PDE4B: variants seen among roughly 807,000 people sequenced by gnomAD.
The protein encoded by PDE4B is 3',5'-cyclic-AMP phosphodiesterase 4B.
PDE4B carries 20 observed loss-of-function variants against 82.2 expected under a neutral mutation model. The observed-to-expected ratio is 0.24, with a 90% CI of 0.17 to 0.35. The LOEUF (loss-of-function observed/expected upper bound fraction) is 0.35. Among genes scored for constraint, PDE4B ranks in the 10% least tolerant of loss-of-function variants. PDE4B has a pLI of 1.00. For missense variants in PDE4B, 655 were observed against 907.2 expected, an observed-to-expected ratio of 0.72 and a Z score of 3.57; for synonymous variants, 320 against 318.9, an observed-to-expected ratio of 1.00 and a Z score of -0.04.
intron 3 of PDE4B, among the ~76,000 whole-genome samples, chr1:66,206,602 A>G (rs1649576280): frequency 6.6e-6 from 1 of 152,174 alleles, no homozygotes; most frequent in African/African-American, 2.4e-5. Flanking sequence ...TACTATAATG[A>G]CCTTCATTCA....
intron 1 of PDE4B, among the ~76,000 whole-genome samples, chr1:65,838,748 T>C (rs938792572): frequency 6.6e-6 from 1 of 151,798 alleles, no homozygotes; most frequent in Non-Finnish European, 1.5e-5. Flanking sequence ...TAGGTTACTC[T>C]AATAGCATTC....
chr1:66,203,812 A>T (rs1649266225), intron 3 of PDE4B, among the ~76,000 whole-genome samples: 2 of 151,970 alleles, frequency 1.3e-5, no homozygotes, highest in Admixed American at 1.3e-4. Flanking sequence ...TTTAGCTTGG[A>T]GTAGTTTGAT....
At chr1:65,870,994 G>C (rs1447914698) in intron 1 of PDE4B, among the ~76,000 whole-genome samples, 1 of 152,146 alleles carries the variant, frequency 6.6e-6, no homozygotes, top group Non-Finnish European at 1.5e-5. Flanking sequence ...TGAAGTCTAA[G>C]GGCAGCACTT....
intron 3 of PDE4B, among the ~76,000 whole-genome samples, chr1:66,191,930 A>G (rs888720014): frequency 6.6e-6 from 1 of 152,068 alleles, no homozygotes; most frequent in South Asian, 2.1e-4. Context: ...GGGGGAAAAC[A>G]CCCCATGATT....
rs541063495 is a variant in PDE4B, at chr1:65,877,298, G to A, written c.-70-35947G>A. On this transcript the variant is annotated intron_variant, in intron 1 of 16. Transcript: ENST00000341517. Reference sequence around the variant, plus strand: ...ACAAACTTTGACACAAACAAGCAATGAGGAAATGATTCTCTATTTAATAAA... The same window carrying A: ...ACAAACTTTGACACAAACAAGCAATAAGGAAATGATTCTCTATTTAATAAA... 3.3e-5 allele frequency among the ~76,000 whole-genome samples: 5 copies of A among 152,274 alleles called. No individual in the cohort carries two copies. The East Asian group carries it at 9.6e-4, about 29-fold the overall frequency.
intron 2 of PDE4B, among the ~76,000 whole-genome samples, chr1:65,913,907 G>A (rs1483440763): frequency 6.6e-6 from 1 of 152,054 alleles, no homozygotes; most frequent in African/African-American, 2.4e-5. Context: ...TATTTTAATG[G>A]GATAGCAGAG....
At chr1:66,061,045 A>G (rs1161200216) in intron 3 of PDE4B, among the ~76,000 whole-genome samples, 1 of 151,918 alleles carries the variant, frequency 6.6e-6, no homozygotes, top group East Asian at 1.9e-4. Flanking sequence ...AGCTATAACT[A>G]TGTTCTTTGT....
intron 3 of PDE4B, among the ~76,000 whole-genome samples, chr1:66,040,870 G>A (rs547742549): frequency 2.0e-5 from 3 of 151,788 alleles, no homozygotes; most frequent in Non-Finnish European, 4.4e-5. Flanking sequence ...GGGAGGGAGA[G>A]GAGGGCTTTT....
chr1:65,837,164 C>T (rs1323226007), intron 1 of PDE4B, among the ~76,000 whole-genome samples: 1 of 151,720 alleles, frequency 6.6e-6, no homozygotes, highest in East Asian at 1.9e-4. Context: ...CAACAATTTA[C>T]ATTTTTCTAT....
chr1:65,872,502 A>G (rs1646584920), intron 1 of PDE4B, among the ~76,000 whole-genome samples: 1 of 152,204 alleles, frequency 6.6e-6, no homozygotes, highest in Admixed American at 6.5e-5. Flanking sequence ...AACTTAGATC[A>G]AAGAGTTACA....
chr1:66,168,474 A>AGC (rs1220982277), intron 3 of PDE4B, among the ~76,000 whole-genome samples: 1 of 152,212 alleles, frequency 6.6e-6, no homozygotes, highest in Non-Finnish European at 1.5e-5. Flanking sequence ...ACTGGGTAAG[A>AGC]GCACATGAGG....
intron 7 of PDE4B, among the ~76,000 whole-genome samples, chr1:66,322,676 T>C (rs926339163): frequency 6.6e-6 from 1 of 151,692 alleles, no homozygotes; most frequent in Non-Finnish European, 1.5e-5. Flanking sequence ...CTGGAGAGGA[T>C]GTGGAGAAAT....
At chr1:65,887,259 CTTTCCTTCCTTCTTTCTTTCT>C in intron 1 of PDE4B, among the ~76,000 whole-genome samples, 1 of 45,010 alleles carries the variant, frequency 2.2e-5, no homozygotes, top group African/African-American at 9.5e-5. Flanking sequence ...TTCTTTCTTT[CTTTCCTTCCTTCTTTCTTTCT>C]TTTTCTTTCT....
chr1:66,034,902 C>T (rs11808125), intron 3 of PDE4B, among the ~76,000 whole-genome samples: 96 of 152,280 alleles, frequency 6.3e-4, no homozygotes, highest in African/African-American at 2.1e-3. Context: ...GTCTGCTCCC[C>T]GAGTCCTTGA....
intron 1 of PDE4B, among the ~76,000 whole-genome samples, chr1:65,911,205 C>T (rs1647086399): frequency 6.6e-6 from 1 of 152,174 alleles, no homozygotes; most frequent in South Asian, 2.1e-4. Context: ...ACCATTTTGT[C>T]TCTCTGCCTG....
At chr1:66,011,087 G>A (rs1024063489) in intron 3 of PDE4B, among the ~76,000 whole-genome samples, 1 of 151,694 alleles carries the variant, frequency 6.6e-6, no homozygotes, top group African/African-American at 2.4e-5. Flanking sequence ...GTTGTTTTAT[G>A]TATGCATAGT....
chr1:65,920,184 C>T (rs529427086), intron 3 of PDE4B, among the ~76,000 whole-genome samples: 1 of 152,150 alleles, frequency 6.6e-6, no homozygotes, highest in Non-Finnish European at 1.5e-5. Context: ...AGCAGGTTGG[C>T]AGTGATACAA....
intron 7 of PDE4B, among the ~76,000 whole-genome samples, chr1:66,300,647 C>T (rs751097264): frequency 3.9e-5 from 6 of 152,176 alleles, no homozygotes; most frequent in Admixed American, 6.6e-5. Context: ...TGGATGCCTA[C>T]AGTGTGTGTA....
rs1393188305 is a variant in PDE4B at position 66,230,005 on chromosome 1, G to A, written c.282-17455G>A. On this transcript the variant is annotated intron_variant, in intron 3 of 16. Coordinates refer to ENST00000341517, the MANE Select transcript of PDE4B (RefSeq NM_002600.4). Reference sequence around the variant, plus strand: ...CCAAGTATTACAGATCTTTCCTAGGGCAATCATTTTCTTCTATATAGGACT... The same window carrying A: ...CCAAGTATTACAGATCTTTCCTAGGACAATCATTTTCTTCTATATAGGACT... 2.0e-5 allele frequency among the ~76,000 whole-genome samples: 3 copies of A among 152,172 alleles called. No homozygotes were observed. In the East Asian group the frequency reaches 5.8e-4, roughly 29 times the overall value.
Sources: gnomAD v4.1 joint callset for allele counts (sites outside exome capture counted in the v4.1 genomes callset) on GRCh38, gnomAD v4.1.1 for gene constraint, MANE v1.5 for transcripts, NCBI Gene and HGNC (gene_info 2026-07-23, HGNC 2026-07-21) for gene names.